Variants in B3GALT1 observed in about 807,000 individuals in gnomAD.
The protein encoded by B3GALT1 is beta-1,3-galactosyltransferase 1.
Under a neutral mutation model 23.2 loss-of-function variants are expected in B3GALT1, and 10 were observed. The observed-to-expected ratio is 0.43, with a 90% CI of 0.27 to 0.73. The LOEUF (loss-of-function observed/expected upper bound fraction) is 0.73, where lower values mean the gene tolerates loss of function less well. Among genes scored for constraint, B3GALT1 ranks in the 30% least tolerant of loss-of-function variants. The pLI is 0.21. For synonymous variants in B3GALT1, 156 were observed against 141.5 expected (o/e 1.10, Z -0.73); for missense variants, 299 against 405.4 (o/e 0.74, Z 2.25).
intron 1 of B3GALT1, among the ~76,000 whole-genome samples, chr2:167,465,508 G>T (rs1699331013): frequency 6.6e-6 from 1 of 152,060 alleles, no homozygotes; most frequent in Non-Finnish European, 1.5e-5. Flanking sequence ...GTCCACACAT[G>T]GCAGAAAGGG....
intron 1 of B3GALT1, among the ~76,000 whole-genome samples, chr2:167,448,223 A>G (rs6760661): frequency 0.017 from 2,650 of 152,180 alleles, 84 homozygotes; most frequent in African/African-American, 0.061. Flanking sequence ...TGGTTGTACT[A>G]GTTTACATTC....
Position 167,340,117 on chromosome 2 carries a change from C to A in B3GALT1, c.-511+46783C>A, listed in dbSNP as rs187722429. Among the ~76,000 whole-genome samples, 498 of 152,154 alleles carry A rather than the reference C, an allele frequency of 3.3e-3. 4 individuals are homozygous for A. Among genetic ancestry groups the A allele is most frequent in the Middle Eastern group, 0.01 (3 of 294 alleles). ...GTATGCACTGTTCAATAAATAAATA[C>A]CTGCCAAGGGTTGGAGCAAGGGAAG... On this transcript the variant is annotated intron_variant, in intron 1 of 4. Coordinates refer to ENST00000392690, the MANE Select transcript of B3GALT1 (RefSeq NM_020981.4).
At chr2:167,779,067 G>A (rs1359682009) in intron 3 of B3GALT1, among the ~76,000 whole-genome samples, 5 of 152,172 alleles carry the variant, frequency 3.3e-5, no homozygotes, top group Non-Finnish European at 7.3e-5. Flanking sequence ...GATCTATGCA[G>A]ACGCACTCTA....
At chr2:167,761,110 G>C (rs1037674621) in intron 3 of B3GALT1, among the ~76,000 whole-genome samples, 4 of 152,174 alleles carry the variant, frequency 2.6e-5, no homozygotes, top group Admixed American at 2.0e-4. Context: ...AAGTGAAAAA[G>C]TAATAGAAAA....
At chr2:167,666,795 T>C (rs1686199798) in intron 3 of B3GALT1, among the ~76,000 whole-genome samples, 1 of 152,172 alleles carries the variant, frequency 6.6e-6, no homozygotes, top group South Asian at 2.1e-4. Context: ...TTGCTTTCCA[T>C]TTGCTTGGTA....
chr2:167,360,849 C>T (rs1697488056), intron 1 of B3GALT1, among the ~76,000 whole-genome samples: 1 of 152,120 alleles, frequency 6.6e-6, no homozygotes, highest in African/African-American at 2.4e-5. Flanking sequence ...TTAACCAGCT[C>T]TCCAATGCCT....
At chr2:167,661,424 T>C (rs1574196505) in intron 3 of B3GALT1, among the ~76,000 whole-genome samples, 1 of 152,154 alleles carries the variant, frequency 6.6e-6, no homozygotes, top group East Asian at 1.9e-4. Flanking sequence ...TTCAAACTGA[T>C]GAAAATTCTG....
chr2:167,714,734 C>A, intron 3 of B3GALT1: 5 of 1,613,850 alleles, frequency 3.1e-6, no homozygotes, highest in Non-Finnish European at 4.2e-6. Flanking sequence ...ATGAACAGTT[C>A]TCTCCAATTC....
intron 2 of B3GALT1, among the ~76,000 whole-genome samples, chr2:167,623,609 G>A (rs1685296984): frequency 6.6e-6 from 1 of 152,038 alleles, no homozygotes; most frequent in Admixed American, 6.6e-5. Flanking sequence ...TCAGGGAGTG[G>A]GGGGCAAGGT....
At chr2:167,635,762 A>G (rs1363611148) in intron 2 of B3GALT1, among the ~76,000 whole-genome samples, 1 of 152,162 alleles carries the variant, frequency 6.6e-6, no homozygotes, top group African/African-American at 2.4e-5. Context: ...GAAAACGGCC[A>G]TACTGACCAA....
chr2:167,556,304 A>G (rs1423384315), intron 2 of B3GALT1, among the ~76,000 whole-genome samples: 1 of 152,178 alleles, frequency 6.6e-6, no homozygotes, highest in Non-Finnish European at 1.5e-5. Context: ...GAGGCATTGG[A>G]ATAGAAGCAG....
chr2:167,805,633 G>T (rs917241636), intron 3 of B3GALT1, among the ~76,000 whole-genome samples: 3 of 152,150 alleles, frequency 2.0e-5, no homozygotes, highest in African/African-American at 7.2e-5. Flanking sequence ...AGATCAGATG[G>T]TTGTAGATAC....
At chr2:167,480,113 G>A (rs750779254) in intron 1 of B3GALT1, among the ~76,000 whole-genome samples, 4 of 152,088 alleles carry the variant, frequency 2.6e-5, no homozygotes, top group Non-Finnish European at 4.4e-5. Flanking sequence ...AGTTGATGAA[G>A]CTATAAATCT....
intron 2 of B3GALT1, among the ~76,000 whole-genome samples, chr2:167,580,358 T>G (rs1684461143): frequency 6.6e-6 from 1 of 152,164 alleles, no homozygotes; most frequent in Non-Finnish European, 1.5e-5. Flanking sequence ...CCCCTCCGAC[T>G]TCTCTTGTCT....
chr2:167,301,540 ATGTT>A (rs913950757), intron 1 of B3GALT1, among the ~76,000 whole-genome samples: 12 of 151,948 alleles, frequency 7.9e-5, no homozygotes, highest in African/African-American at 1.5e-4. Flanking sequence ...CACATTCTTT[ATGTT>A]TGTTTGTTTG....
intron 2 of B3GALT1, among the ~76,000 whole-genome samples, chr2:167,610,241 C>T (rs1263881569): frequency 6.6e-6 from 1 of 152,040 alleles, no homozygotes; most frequent in East Asian, 1.9e-4. Context: ...TAAATGTTGA[C>T]ATATTAATTA....
chr2:167,565,132 C>T (rs1180374479), intron 2 of B3GALT1, among the ~76,000 whole-genome samples: 3 of 152,182 alleles, frequency 2.0e-5, no homozygotes, highest in Admixed American at 1.3e-4. Context: ...GTAACCAAAA[C>T]AGCATGGTAC....
intron 3 of B3GALT1, among the ~76,000 whole-genome samples, chr2:167,686,049 A>G (rs1169665457): frequency 2.0e-5 from 3 of 152,208 alleles, no homozygotes. Flanking sequence ...CCTGGAATTC[A>G]AAGAGAAGGA....
intron 3 of B3GALT1, among the ~76,000 whole-genome samples, chr2:167,718,342 T>A (rs186047477): frequency 6.6e-6 from 1 of 152,146 alleles, no homozygotes; most frequent in African/African-American, 2.4e-5. Context: ...CAATCAAATA[T>A]CATCTTTGTT....
Sources: allele counts gnomAD v4.1 joint callset (sites outside exome capture counted in the v4.1 genomes callset), GRCh38; gene constraint gnomAD v4.1.1; transcripts MANE v1.5; gene names NCBI Gene and HGNC (gene_info 2026-07-23, HGNC 2026-07-21).